The following RERE variants were observed in gnomAD, a reference collection of about 807,000 sequenced individuals.
The protein encoded by RERE is arginine-glutamic acid dipeptide repeats.
Under a neutral mutation model 146.1 loss-of-function variants are expected in RERE, and 40 were observed. That is an observed-to-expected ratio of 0.27 (90% CI 0.21 to 0.36). The LOEUF is 0.36. Ranked by LOEUF, RERE falls within the 10% of genes least tolerant of loss-of-function variation. The pLI is 1.00. For synonymous variants in RERE, 1,003 were observed against 866.0 expected (o/e 1.16, Z -2.78); for missense variants, 1,933 against 2,138.7 (o/e 0.90, Z 1.90).
At chr1:8,641,103 T>G (rs1022780273) in intron 2 of RERE, among the ~76,000 whole-genome samples, 1 of 152,172 alleles carries the variant, frequency 6.6e-6, no homozygotes, top group African/African-American at 2.4e-5. Flanking sequence ...TCAGAATAAA[T>G]AGAAGGCAAT....
intron 1 of RERE, among the ~76,000 whole-genome samples, chr1:8,694,695 G>A (rs963242282): frequency 2.6e-5 from 4 of 151,936 alleles, no homozygotes; most frequent in African/African-American, 9.7e-5. Flanking sequence ...GGAGGCAGAG[G>A]TTGAAATGAG....
chr1:8,801,843 C>T (rs753010180), intron 1 of RERE, among the ~76,000 whole-genome samples: 4 of 152,078 alleles, frequency 2.6e-5, no homozygotes, highest in Non-Finnish European at 4.4e-5. Flanking sequence ...TATGAGGATG[C>T]GAACCAAAGA....
rs568669921 is a variant in RERE at position 8,656,097 on chromosome 1, G to A, written c.201C>T (p.Thr67=). 89 of 1,613,902 alleles carry A rather than the reference G, an allele frequency of 5.5e-5. 1 individual carries two copies. Among genetic ancestry groups the A allele is most frequent in the Non-Finnish European group, 6.4e-5 (75 of 1,179,958 alleles). ...TATTCTTCTTCGTGGACTCCTCTGC[G>A]GTGGCACTATTGTTGTCATTGTCCT... The part of the protein sequence containing the change: ...EDEDNDNNSA[T]AEESTKKNKK... The change falls in exon 2 of 23, where the codon ACC becomes ACT. Residue 67 remains threonine, a synonymous_variant. Coordinates refer to ENST00000400908, the MANE Select transcript of RERE (RefSeq NM_001042681.2).
At chr1:8,401,044 T>TAC (rs1464123268) in intron 12 of RERE, among the ~76,000 whole-genome samples, 5 of 47,838 alleles carry the variant, frequency 1.0e-4, no homozygotes, top group African/African-American at 4.1e-4. Context: ...AAACCATATA[T>TAC]ATATATATAT....
chr1:8,498,729 A>AT (rs1645082846), intron 8 of RERE, among the ~76,000 whole-genome samples: 1 of 89,718 alleles, frequency 1.1e-5, no homozygotes, highest in African/African-American at 4.6e-5. Context: ...AAAAATAAAT[A>AT]TATACACACA....
chr1:8,604,668 GGAAGGA>G (rs1646679441), intron 4 of RERE, among the ~76,000 whole-genome samples: 1 of 149,862 alleles, frequency 6.7e-6, no homozygotes, highest in African/African-American at 2.5e-5. Flanking sequence ...AAGGAAGGAA[GGAAGGA>G]AGTCCACATA....
In RERE at chr1:8,364,894, G is replaced by C. The variant is rs892782296; in HGVS notation, c.1448-56C>G. On this transcript the variant is annotated intron_variant, in intron 13 of 22. Transcript: ENST00000400908. This position sits in a 1 kb window ranked among gnomAD's most constrained non-coding sequence, Gnocchi z 5.1. ...GGGAGACACCATCATGCTCAGCCAA[G>C]GCTGGGCCGGTGGGGTGGGGGGGAG... is the stretch of plus-strand genomic sequence containing the variant. 2 of 983,110 alleles carry C rather than the reference G, an allele frequency of 2.0e-6. No homozygotes were observed. Among genetic ancestry groups the C allele is most frequent in the Non-Finnish European group, 3.1e-6 (2 of 653,484 alleles). The allele number at this position is 983,110 out of a possible 1,614,324, so 60.9% of individuals were successfully genotyped here. A position where few individuals can be genotyped will look rare whatever the true frequency, so the allele number is the denominator to read the frequency against.
chr1:8,588,435 C>G (rs747770724), intron 4 of RERE, among the ~76,000 whole-genome samples: 2 of 152,240 alleles, frequency 1.3e-5, no homozygotes, highest in South Asian at 4.2e-4. Context: ...ATCGAAGGGT[C>G]GTCGCCTCGT....
chr1:8,647,457 CT>C (rs770560864), intron 2 of RERE, among the ~76,000 whole-genome samples: 2 of 152,160 alleles, frequency 1.3e-5, no homozygotes, highest in Non-Finnish European at 2.9e-5. Context: ...CTAAAGATGC[CT>C]TTATGCTATG....
chr1:8,426,326 C>T (rs1024156516), intron 11 of RERE, among the ~76,000 whole-genome samples: 5 of 151,566 alleles, frequency 3.3e-5, no homozygotes, highest in Non-Finnish European at 7.4e-5. Context: ...TGGTGGTGGG[C>T]GCCTGTAGTC....
chr1:8,718,614 C>A (rs11807001), intron 1 of RERE, among the ~76,000 whole-genome samples: 3,944 of 152,264 alleles, frequency 0.026, 158 homozygotes, highest in African/African-American at 0.089. Flanking sequence ...AGGTGACTCT[C>A]TTCATCTGGT....
At chr1:8,422,922 G>C in intron 11 of RERE, 115 bp from the exon 12 acceptor site, 1 of 749,378 alleles carries the variant, frequency 1.3e-6, no homozygotes, top group Non-Finnish European at 2.3e-6. Flanking sequence ...CTCGGCTAGG[G>C]AATACTGCCG....
chr1:8,358,143 G>A (rs1641371188), intron 20 of RERE, 53 bp downstream of exon 20: 1 of 1,545,754 alleles, frequency 6.5e-7, no homozygotes. Context: ...CACTCATCAG[G>A]CTCTGCACCC....
At position 8,358,981 on chromosome 1, in the gene RERE, T is replaced by C. The variant is rs1053855417; in HGVS notation, c.3619-65A>G. On this transcript the variant is annotated intron_variant, in intron 19 of 22. Coordinates refer to ENST00000400908, the MANE Select transcript of RERE (RefSeq NM_001042681.2). ...CCTGGGGTCTCCGCTTGGTCCACAC[T>C]GCGGAGGTGGGCCTGGTCCTGCTCC... The C allele has an allele frequency of 4.1e-6, 6 of 1,478,694 alleles. No homozygotes were observed. In the Admixed American group the frequency reaches 7.3e-5, roughly 18 times the overall value. 91.6% of individuals were successfully genotyped at this position (1,478,694 alleles called of 1,614,324 possible). A position where few individuals can be genotyped will look rare whatever the true frequency, so the allele number is the denominator to read the frequency against.
intron 11 of RERE, among the ~76,000 whole-genome samples, chr1:8,429,038 C>T (rs960441388): frequency 3.2e-4 from 49 of 152,056 alleles, no homozygotes; most frequent in African/African-American, 1.2e-3. Flanking sequence ...TTTTTACATG[C>T]GTCATGGTAT....
chr1:8,754,155 T>C (rs1640590819), intron 1 of RERE, among the ~76,000 whole-genome samples: 1 of 152,188 alleles, frequency 6.6e-6, no homozygotes, highest in African/African-American at 2.4e-5. Context: ...ATGTTTGGTT[T>C]TAAGCCCTAA....
rs74677433 is a variant in RERE, at chr1:8,774,323, T to C, written c.-145+42837A>G. The stretch of plus-strand genomic sequence containing the variant: ...ACTCACTGCTTGTAGGAATTTAATA[T>C]TATCTCCTTCATTTTGGCAAACTAT... On this transcript the variant is annotated intron_variant, in intron 1 of 22. Transcript: ENST00000400908. Among the ~76,000 whole-genome samples, 1,259 of 151,920 alleles carry C rather than the reference T, an allele frequency of 8.3e-3. 8 individuals carry two copies. Among genetic ancestry groups the C allele is most frequent in the Non-Finnish European group, 0.014 (968 of 67,956 alleles).
intron 9 of RERE, 147 bp downstream of exon 9, chr1:8,497,258 G>A: frequency 1.5e-6 from 1 of 667,872 alleles, no homozygotes; most frequent in Non-Finnish European, 2.4e-6. Flanking sequence ...AAGAGCCAGG[G>A]TCCCGATTAC....
At chr1:8,640,058 T>G (rs751503295) in intron 2 of RERE, among the ~76,000 whole-genome samples, 19 of 151,794 alleles carry the variant, frequency 1.3e-4, no homozygotes, top group Non-Finnish European at 2.2e-4. Context: ...GAGGCTGAAG[T>G]GGGGAGGACT....
Sources: gnomAD v4.1 joint callset for allele counts (sites outside exome capture counted in the v4.1 genomes callset) on GRCh38, gnomAD v4.1.1 for gene constraint, Gnocchi (gnomAD v3.1) non-coding constraint, MANE v1.5 for transcripts, NCBI Gene and HGNC (gene_info 2026-07-23, HGNC 2026-07-21) for gene names.